The following RNF220 variants were observed in gnomAD, a reference collection of about 807,000 sequenced individuals.
RNF220 encodes E3 ubiquitin-protein ligase RNF220.
Under a neutral mutation model 67.1 loss-of-function variants are expected in RNF220, and 7 were observed. The ratio of observed to expected loss-of-function variants is 0.10; its 90% CI spans 0.06 to 0.20. The LOEUF is 0.20. Ranked by LOEUF, RNF220 falls within the 10% of genes least tolerant of loss-of-function variation. RNF220 has a pLI of 1.00. For synonymous variants in RNF220, 270 were observed against 283.2 expected (o/e 0.95, Z 0.47); for missense variants, 565 against 740.3 (o/e 0.76, Z 2.75).
intron 4 of RNF220, among the ~76,000 whole-genome samples, chr1:44,625,930 C>T (rs547605246): frequency 6.6e-6 from 1 of 152,156 alleles, no homozygotes; most frequent in South Asian, 2.1e-4. Context: ...GGCGGGGTAG[C>T]GGGTATATGG....
chr1:44,476,719 C>G (rs1007633198), intron 2 of RNF220, among the ~76,000 whole-genome samples: 3 of 152,200 alleles, frequency 2.0e-5, no homozygotes, highest in Admixed American at 1.3e-4. Flanking sequence ...TTGCAACCAT[C>G]AGGCTAGAGA....
At chr1:44,577,243 A>C (rs951551809) in intron 2 of RNF220, among the ~76,000 whole-genome samples, 45 of 152,284 alleles carry the variant, frequency 3.0e-4, no homozygotes, top group African/African-American at 1.0e-3. Context: ...CCACTGCCCA[A>C]GTACAAGCCC....
At chr1:44,639,263 T>C (rs1403356711) in intron 8 of RNF220, among the ~76,000 whole-genome samples, 2 of 152,166 alleles carry the variant, frequency 1.3e-5, no homozygotes, top group Non-Finnish European at 2.9e-5. Flanking sequence ...CTGTCCTCCA[T>C]CCAGCTCCTG....
intron 2 of RNF220, among the ~76,000 whole-genome samples, chr1:44,612,453 T>C (rs1643353957): frequency 1.3e-5 from 2 of 152,338 alleles, no homozygotes; most frequent in South Asian, 4.1e-4. Context: ...CTTCTCTTTT[T>C]TCCAGTCCTC....
chr1:44,575,775 C>G (rs1237777052), intron 2 of RNF220, among the ~76,000 whole-genome samples: 1 of 152,198 alleles, frequency 6.6e-6, no homozygotes, highest in African/African-American at 2.4e-5. Flanking sequence ...AACTACCTTG[C>G]AATTCAACAA....
intron 2 of RNF220, among the ~76,000 whole-genome samples, chr1:44,458,647 G>A (rs989168637): frequency 2.6e-5 from 4 of 152,156 alleles, no homozygotes; most frequent in Non-Finnish European, 5.9e-5. Flanking sequence ...ACTTCCCAAA[G>A]TATCTGATTT....
At position 44,412,670 on chromosome 1, in the gene RNF220, C is replaced by T. The variant is rs779137109; in HGVS notation, c.573C>T (p.Gly191=). ...GGAAGAAGATTTTTGCTGTCTCTGG[C>T]CTCATTTCTGATCGGGAAGCCTCAT... ...DTGKKIFAVS[G]LISDREASSS... is the part of the protein sequence containing the mutation. The change falls in exon 2 of 15, where the codon GGC becomes GGT. Residue 191 remains glycine, a synonymous_variant. Coordinates refer to ENST00000361799, the MANE Select transcript of RNF220 (RefSeq NM_018150.4). The surrounding 1 kb of genome is among the most constrained non-coding windows in gnomAD (Gnocchi z 5.3). 3.1e-6 allele frequency: 5 copies of T among 1,614,044 alleles called. No homozygotes were observed. Among genetic ancestry groups the T allele is most frequent in the Admixed American group, 3.3e-5 (2 of 59,998 alleles).
chr1:44,531,539 T>C (rs1660832184), intron 2 of RNF220, among the ~76,000 whole-genome samples: 1 of 152,204 alleles, frequency 6.6e-6, no homozygotes, highest in Admixed American at 6.5e-5. Flanking sequence ...CTTTTCCTTA[T>C]TTTTGCTTAT....
Position 44,649,687 on chromosome 1 carries a change from C to G in RNF220, c.1472C>G (p.Thr491Arg). 6.2e-7 allele frequency: 1 copy of G among 1,613,986 alleles called. No individual in the cohort carries two copies. The highest frequency in any genetic ancestry group is 1.1e-5 in the South Asian group (1 of 91,088). The change falls in exon 13 of 15, where the codon ACG (threonine) becomes AGG (arginine). Residue 491 changes from threonine to arginine, a missense_variant. Coordinates refer to ENST00000361799, the MANE Select transcript of RNF220 (RefSeq NM_018150.4). The surrounding 1 kb of genome is among the most constrained non-coding windows in gnomAD (Gnocchi z 5.9). ...ATCACCGAAGATTCAGCTGTGACCA[C>G]GTTTGAGGCTCTGAAGGCTCGGGTC... The part of the protein sequence containing the change: ...EKITEDSAVT[T>R]FEALKARVRE...
At chr1:44,557,115 G>A (rs990259390) in intron 2 of RNF220, among the ~76,000 whole-genome samples, 27 of 145,576 alleles carry the variant, frequency 1.9e-4, no homozygotes, top group Middle Eastern at 3.6e-3. Context: ...GTATGTATAT[G>A]TATATATGTA....
At chr1:44,477,973 C>T (rs1347573497) in intron 2 of RNF220, among the ~76,000 whole-genome samples, 1 of 152,112 alleles carries the variant, frequency 6.6e-6, no homozygotes, top group Non-Finnish European at 1.5e-5. Flanking sequence ...AAGACTCCCC[C>T]AGTTTTTATT....
chr1:44,508,134 TG>T (rs768270321), intron 2 of RNF220, among the ~76,000 whole-genome samples: 22 of 112,194 alleles, frequency 2.0e-4, no homozygotes, highest in Admixed American at 5.8e-4. Context: ...AAAAGCTGTG[TG>T]GAGCAGAGGA....
chr1:44,520,120 TGTGTGTGTGAGA>T lies in RNF220; in HGVS notation c.626-94043_626-94032del, dbSNP rs1659795327. Among the ~76,000 whole-genome samples the T allele has an allele frequency of 2.8e-5, 4 of 141,898 alleles. No homozygotes were observed. In the South Asian group the frequency reaches 9.4e-4, roughly 34 times the overall value. The allele number at this position is 141,898 out of a possible 152,430, so 93.1% of individuals were successfully genotyped here. A position where few individuals can be genotyped will look rare whatever the true frequency, so the allele number is the denominator to read the frequency against. On this transcript the variant is annotated intron_variant, in intron 2 of 14. Coordinates refer to ENST00000361799, the MANE Select transcript of RNF220 (RefSeq NM_018150.4). The stretch of plus-strand genomic sequence containing the variant: ...GTGTGTGTGTGTGTGTGTGTGTGTG[TGTGTGTGTGAGA>T]GAGAGAGAGAGAGAAAGAGAGAGAT...
At chr1:44,527,718 G>A (rs968296593) in intron 2 of RNF220, among the ~76,000 whole-genome samples, 9 of 151,882 alleles carry the variant, frequency 5.9e-5, no homozygotes, top group Admixed American at 4.6e-4. Context: ...CTGAGGGCAG[G>A]AGTTCGAGAC....
chr1:44,438,622 G>A (rs1165997054), intron 2 of RNF220, among the ~76,000 whole-genome samples: 1 of 152,156 alleles, frequency 6.6e-6, no homozygotes, highest in African/African-American at 2.4e-5. Context: ...ACATCAGCCA[G>A]GGAACCTAGT....
intron 2 of RNF220, among the ~76,000 whole-genome samples, chr1:44,598,617 G>A (rs1666705929): frequency 1.3e-5 from 2 of 152,076 alleles, no homozygotes; most frequent in Admixed American, 6.5e-5. Flanking sequence ...AGGGCTCTGG[G>A]ATAGGGGAGC....
intron 2 of RNF220, among the ~76,000 whole-genome samples, chr1:44,463,790 A>T (rs1301792151): frequency 6.6e-6 from 1 of 151,970 alleles, no homozygotes; most frequent in Non-Finnish European, 1.5e-5. Flanking sequence ...GCTGAGAGCC[A>T]CTCCCTTCTA....
Position 44,452,957 on chromosome 1 carries a change from A to C in RNF220, c.625+40235A>C, listed in dbSNP as rs1468375230. Among the ~76,000 whole-genome samples, 3 of 152,374 alleles carry C rather than the reference A, an allele frequency of 2.0e-5. No individual in the cohort carries two copies. In the East Asian group the frequency reaches 5.8e-4, roughly 29 times the overall value. ...TTATAGTTTAATTTGAGTTTCATCC[A>C]GGAATATGATGTGTTCCTTATTTAT... On this transcript the variant is annotated intron_variant, in intron 2 of 14. Coordinates refer to ENST00000361799, the MANE Select transcript of RNF220 (RefSeq NM_018150.4).
intron 2 of RNF220, among the ~76,000 whole-genome samples, chr1:44,524,448 C>CA (rs1253684321): frequency 6.6e-6 from 1 of 152,102 alleles, no homozygotes; most frequent in Admixed American, 6.5e-5. Flanking sequence ...TCCCAGCCCC[C>CA]ACCTCCCTCC....
Sources: allele counts gnomAD v4.1 joint callset (sites outside exome capture counted in the v4.1 genomes callset), GRCh38; gene constraint gnomAD v4.1.1; non-coding constraint Gnocchi (gnomAD v3.1); transcripts MANE v1.5; gene names NCBI Gene and HGNC (gene_info 2026-07-23, HGNC 2026-07-21).